GABBR2: variants seen among roughly 807,000 people sequenced by gnomAD.
The protein encoded by GABBR2 is G-protein coupled receptor 51.
A neutral mutation model predicts 105.6 loss-of-function variants in GABBR2; 23 were observed. That is an observed-to-expected ratio of 0.22 (90% CI 0.16 to 0.31). The LOEUF is 0.31. Among genes scored for constraint, GABBR2 ranks in the 10% least tolerant of loss-of-function variants. The pLI is 1.00. For synonymous variants in GABBR2, 478 were observed against 499.7 expected (o/e 0.96, Z 0.58); for missense variants, 734 against 1,245.5 (o/e 0.59, Z 6.18).
chr9:98,492,370 A>AAAAAAAAAAAAAAAAAAAAAAAAC (rs1827194983), intron 4 of GABBR2, among the ~76,000 whole-genome samples: 1 of 148,198 alleles, frequency 6.7e-6, no homozygotes, highest in Non-Finnish European at 1.5e-5. Flanking sequence ...AAAAAAAAAA[A>AAAAAAAAAAAAAAAAAAAAAAAAC]AAAAAAATTC....
chr9:98,455,212 T>G (rs1826305049), intron 6 of GABBR2, among the ~76,000 whole-genome samples: 4 of 152,192 alleles, frequency 2.6e-5, no homozygotes. Flanking sequence ...TTGGTGATAT[T>G]AACATTTTGA....
At chr9:98,509,080 G>T (rs1442513165) in intron 3 of GABBR2, among the ~76,000 whole-genome samples, 1 of 152,162 alleles carries the variant, frequency 6.6e-6, no homozygotes, top group Admixed American at 6.5e-5. Context: ...ACTTCCAGAG[G>T]AACAATCAGG....
At chr9:98,573,861 A>G (rs1828871640) in intron 2 of GABBR2, among the ~76,000 whole-genome samples, 2 of 152,324 alleles carry the variant, frequency 1.3e-5, no homozygotes, top group African/African-American at 4.8e-5. Context: ...ATCTATATCT[A>G]TGCTTTATAC....
intron 7 of GABBR2, among the ~76,000 whole-genome samples, chr9:98,411,567 T>G (rs572247770): frequency 1.3e-5 from 2 of 151,864 alleles, no homozygotes; most frequent in East Asian, 3.9e-4. Flanking sequence ...CCATTTTTTT[T>G]TTGTTTTGTT....
At chr9:98,683,633 G>T (rs1369376956) in intron 1 of GABBR2, among the ~76,000 whole-genome samples, 1 of 151,920 alleles carries the variant, frequency 6.6e-6, no homozygotes, top group Non-Finnish European at 1.5e-5. Context: ...CATCTATTTT[G>T]TTTCCGGGCT....
chr9:98,473,163 T>C lies in GABBR2; in HGVS notation c.982A>G (p.Lys328Glu). Residue 328 changes from lysine to glutamate, a missense_variant, in exon 6 of 19, where the codon AAG becomes GAG. Physicochemically the swap from Lys to Glu is moderately conservative, Grantham distance 56. This residue lies in a region of GABBR2 where 370 missense variants were observed against 648.9 expected (regional missense o/e 0.57). Coordinates refer to ENST00000259455, the MANE Select transcript of GABBR2 (RefSeq NM_005458.8). ...GCACTGACCTTTCCTGAGATGGTCT[T>C]GATCTGCTTGGAGCTCAGGGGCTCG... ...DFEPLSSKQI[K>E]TISGKTPQQY... The C allele has an allele frequency of 1.2e-6, 2 of 1,613,594 alleles. No individual in the cohort carries two copies. Among genetic ancestry groups the C allele is most frequent in the Non-Finnish European group, 1.7e-6 (2 of 1,179,716 alleles).
chr9:98,581,617 C>G (rs1165563809), intron 1 of GABBR2, among the ~76,000 whole-genome samples: 1 of 151,942 alleles, frequency 6.6e-6, no homozygotes, highest in Non-Finnish European at 1.5e-5. Flanking sequence ...CTTCTCACCC[C>G]CAACAGAGCA....
intron 1 of GABBR2, among the ~76,000 whole-genome samples, chr9:98,699,545 G>C (rs540982456): frequency 1.3e-5 from 2 of 152,102 alleles, no homozygotes; most frequent in African/African-American, 4.8e-5. Flanking sequence ...CTATTTGTTC[G>C]ATAAATATTT....
intron 13 of GABBR2, among the ~76,000 whole-genome samples, chr9:98,329,327 G>A (rs1053944127): frequency 3.9e-5 from 6 of 152,158 alleles, no homozygotes; most frequent in Non-Finnish European, 8.8e-5. Context: ...GAAAATGAGA[G>A]ATTTGCTTAG....
intron 13 of GABBR2, among the ~76,000 whole-genome samples, chr9:98,334,932 G>A (rs1026948621): frequency 2.6e-5 from 4 of 152,194 alleles, no homozygotes; most frequent in Non-Finnish European, 5.9e-5. Context: ...GAGCCACCAT[G>A]AGTGCTGAGG....
intron 1 of GABBR2, among the ~76,000 whole-genome samples, chr9:98,706,969 C>T (rs972100789): frequency 6.6e-6 from 1 of 152,222 alleles, no homozygotes; most frequent in Non-Finnish European, 1.5e-5. Flanking sequence ...TAGCCCTGCA[C>T]AGCCAGCCAG....
intron 7 of GABBR2, among the ~76,000 whole-genome samples, chr9:98,422,732 G>C (rs1003639895): frequency 3.3e-5 from 5 of 151,584 alleles, no homozygotes; most frequent in African/African-American, 1.2e-4. Context: ...TTTAGCATTA[G>C]GTATATCTCC....
chr9:98,291,876 A>G (rs1334922575), intron 18 of GABBR2, among the ~76,000 whole-genome samples: 2 of 152,284 alleles, frequency 1.3e-5, no homozygotes, highest in Non-Finnish European at 2.9e-5. Context: ...TCTGCTAAGC[A>G]GAACCCTAGG....
intron 13 of GABBR2, among the ~76,000 whole-genome samples, chr9:98,355,778 GAAC>G (rs1831473305): frequency 6.6e-6 from 1 of 152,144 alleles, no homozygotes; most frequent in African/African-American, 2.4e-5. Flanking sequence ...CAACATTAAA[GAAC>G]AAAGTTGGAG....
intron 11 of GABBR2, among the ~76,000 whole-genome samples, chr9:98,372,682 A>G (rs1831805915): frequency 1.3e-5 from 2 of 152,214 alleles, no homozygotes; most frequent in South Asian, 4.1e-4. Context: ...CCACCAACAC[A>G]TGTAGGAAGT....
At chr9:98,424,378 C>T (rs1323932568) in intron 7 of GABBR2, among the ~76,000 whole-genome samples, 20 of 150,556 alleles carry the variant, frequency 1.3e-4, no homozygotes, top group Admixed American at 4.6e-4. Flanking sequence ...CAATATCATA[C>T]TGAATGGGCA....
chr9:98,395,261 A>C lies in GABBR2; in HGVS notation c.1298-1006T>G, dbSNP rs535824154. Among the ~76,000 whole-genome samples, 9 of 152,276 alleles carry C rather than the reference A, an allele frequency of 5.9e-5. 1 individual carries two copies. Among genetic ancestry groups the C allele is most frequent in the African/African-American group, 2.2e-4 (9 of 41,564 alleles). On this transcript the variant is annotated intron_variant, in intron 8 of 18. Transcript: ENST00000259455. ...ATCCAAGGTTCTGGTGGGGATGAGG[A>C]GTTTCAGTTCCCATCCCTGAGCAGA...
intron 8 of GABBR2, among the ~76,000 whole-genome samples, chr9:98,395,706 G>C (rs1049128402): frequency 6.6e-6 from 1 of 152,156 alleles, no homozygotes; most frequent in African/African-American, 2.4e-5. Flanking sequence ...GAAGACCCTT[G>C]AGCAGGGTCT....
intron 2 of GABBR2, among the ~76,000 whole-genome samples, chr9:98,545,200 C>T (rs1285278149): frequency 1.3e-5 from 2 of 152,148 alleles, no homozygotes; most frequent in African/African-American, 4.8e-5. Flanking sequence ...TGGGTAATTA[C>T]CGTGGTTACT....
Sources: gnomAD v4.1 joint callset for allele counts (sites outside exome capture counted in the v4.1 genomes callset) on GRCh38, gnomAD v4.1.1 for gene constraint, gnomAD v4.1.1 regional missense constraint, MANE v1.5 for transcripts, NCBI Gene and HGNC (gene_info 2026-07-23, HGNC 2026-07-21) for gene names.